Variants in ZNRF2 observed in about 807,000 individuals in gnomAD.
The protein encoded by ZNRF2 is E3 ubiquitin-protein ligase ZNRF2.
A neutral mutation model predicts 20.4 loss-of-function variants in ZNRF2; 16 were observed. The observed-to-expected ratio is 0.79, with a 90% CI of 0.53 to 1.19. The LOEUF (loss-of-function observed/expected upper bound fraction) is 1.19, where lower values mean the gene tolerates loss of function less well. Among genes scored for constraint, ZNRF2 ranks in the 50% most tolerant of loss-of-function variants. The pLI is 0.00. For synonymous variants in ZNRF2, 178 were observed against 144.9 expected (o/e 1.23, Z -1.64); for missense variants, 363 against 332.4 (o/e 1.09, Z -0.72).
intron 3 of ZNRF2, among the ~76,000 whole-genome samples, chr7:30,356,086 C>A (rs770854926): frequency 1.3e-5 from 2 of 152,102 alleles, no homozygotes. Context: ...TAAATTATCT[C>A]ATGTAAGCCT....
chr7:30,341,663 A>G (rs1172699673), intron 2 of ZNRF2, among the ~76,000 whole-genome samples: 1 of 152,110 alleles, frequency 6.6e-6, no homozygotes, highest in Non-Finnish European at 1.5e-5. Context: ...TTTAGAATAG[A>G]TGCGATGTGG....
intron 2 of ZNRF2, among the ~76,000 whole-genome samples, chr7:30,334,487 TATGAATTTGAGA>T (rs1462579837): frequency 1.3e-5 from 2 of 152,184 alleles, no homozygotes; most frequent in African/African-American, 4.8e-5. Context: ...TTTGGTTCCA[TATGAATTTGAGA>T]ATGGATTTTT....
chr7:30,318,938 C>G (rs2128062159), intron 1 of ZNRF2, among the ~76,000 whole-genome samples: 1 of 152,132 alleles, frequency 6.6e-6, no homozygotes, highest in Non-Finnish European at 1.5e-5. Flanking sequence ...ATGGCAAAAC[C>G]CCATCTCTAC....
chr7:30,295,398 T>C (rs1160880226), intron 1 of ZNRF2, among the ~76,000 whole-genome samples: 1 of 152,174 alleles, frequency 6.6e-6, no homozygotes, highest in Admixed American at 6.5e-5. Context: ...TTAGTTCCTC[T>C]GTACCTCCGT....
chr7:30,308,348 C>T (rs183251391), intron 1 of ZNRF2, among the ~76,000 whole-genome samples: 3 of 152,244 alleles, frequency 2.0e-5, no homozygotes, highest in Admixed American at 6.5e-5. Context: ...CCATTATGAA[C>T]ATTGCTACTG....
At chr7:30,321,702 G>A (rs995030240) in intron 1 of ZNRF2, among the ~76,000 whole-genome samples, 1 of 152,090 alleles carries the variant, frequency 6.6e-6, no homozygotes, top group East Asian at 1.9e-4. Context: ...GTTGCCTCTT[G>A]CCCTCGTTTA....
At chr7:30,345,400 T>A (rs747735049) in intron 2 of ZNRF2, among the ~76,000 whole-genome samples, 5 of 152,128 alleles carry the variant, frequency 3.3e-5, no homozygotes, top group Non-Finnish European at 7.4e-5. Context: ...GGACAGTTGC[T>A]TCCTTATTTT....
chr7:30,323,847 T>C, intron 2 of ZNRF2, 110 bp downstream of exon 2: 1 of 703,682 alleles, frequency 1.4e-6, no homozygotes, highest in Non-Finnish European at 2.2e-6. Context: ...TTTTCTCTAT[T>C]TTTACTAGTG....
chr7:30,353,101 T>A (rs1799983533), intron 2 of ZNRF2, among the ~76,000 whole-genome samples: 1 of 152,094 alleles, frequency 6.6e-6, no homozygotes, highest in African/African-American at 2.4e-5. Context: ...AAAGACACAT[T>A]CTAGTGGAAA....
At chr7:30,324,667 C>T (rs998289346) in intron 2 of ZNRF2, among the ~76,000 whole-genome samples, 3 of 152,132 alleles carry the variant, frequency 2.0e-5, no homozygotes, top group African/African-American at 4.8e-5. Context: ...TTCCACTTCT[C>T]CTACTGTACA....
chr7:30,358,634 G>A (rs1033957667), intron 3 of ZNRF2, among the ~76,000 whole-genome samples: 5 of 152,198 alleles, frequency 3.3e-5, no homozygotes, highest in Non-Finnish European at 7.4e-5. Context: ...ACACCATGTT[G>A]GTGGGACTTG....
intron 2 of ZNRF2, among the ~76,000 whole-genome samples, chr7:30,338,030 A>G (rs775798524): frequency 6.6e-6 from 1 of 152,196 alleles, no homozygotes; most frequent in Non-Finnish European, 1.5e-5. Context: ...AATATGTGCT[A>G]GCGGTTATTC....
intron 2 of ZNRF2, among the ~76,000 whole-genome samples, chr7:30,326,891 G>A (rs527789185): frequency 3.3e-5 from 5 of 152,170 alleles, no homozygotes; most frequent in African/African-American, 1.2e-4. Context: ...GATCAGTGAT[G>A]TTGAGCTTTT....
chr7:30,340,058 T>C (rs1185226923), intron 2 of ZNRF2, among the ~76,000 whole-genome samples: 3 of 150,888 alleles, frequency 2.0e-5, no homozygotes, highest in Non-Finnish European at 3.0e-5. Context: ...TTGGCTGTTA[T>C]TGTTGTATAG....
intron 1 of ZNRF2, among the ~76,000 whole-genome samples, chr7:30,291,982 A>G (rs1406878454): frequency 1.3e-5 from 2 of 152,196 alleles, no homozygotes; most frequent in Non-Finnish European, 2.9e-5. Context: ...TTCACTAGAG[A>G]AAAACTAACA....
chr7:30,348,475 G>T (rs923356333), intron 2 of ZNRF2, among the ~76,000 whole-genome samples: 1 of 152,170 alleles, frequency 6.6e-6, no homozygotes, highest in African/African-American at 2.4e-5. Context: ...TAATACAGAG[G>T]TGGCAAAGGA....
intron 1 of ZNRF2, among the ~76,000 whole-genome samples, chr7:30,306,462 T>C (rs1799207306): frequency 6.6e-6 from 1 of 152,130 alleles, no homozygotes; most frequent in African/African-American, 2.4e-5. Flanking sequence ...TAAAATTCCA[T>C]CTTTTATGGC....
chr7:30,307,540 A>G (rs532162615), intron 1 of ZNRF2, among the ~76,000 whole-genome samples: 3 of 151,768 alleles, frequency 2.0e-5, no homozygotes, highest in Non-Finnish European at 2.9e-5. Flanking sequence ...ACTGAGTCCA[A>G]GTCCATTGAA....
At chr7:30,287,072 A>G (rs1197904998) in intron 1 of ZNRF2, among the ~76,000 whole-genome samples, 1 of 152,182 alleles carries the variant, frequency 6.6e-6, no homozygotes, top group East Asian at 1.9e-4. Context: ...TTGACTTTTA[A>G]TTAGCTACCT....
Sources: allele counts gnomAD v4.1 joint callset (sites outside exome capture counted in the v4.1 genomes callset), GRCh38; gene constraint gnomAD v4.1.1; transcripts MANE v1.5; gene names NCBI Gene and HGNC (gene_info 2026-07-23, HGNC 2026-07-21).